The following ZNF157 variants were observed in gnomAD, a reference collection of about 807,000 sequenced individuals.
ZNF157 encodes zinc finger protein 22.
Under a neutral mutation model 9.4 loss-of-function variants are expected in ZNF157, and 8 were observed. The observed-to-expected ratio is 0.85, with a 90% confidence interval of 0.50 to 1.53. The LOEUF (loss-of-function observed/expected upper bound fraction) is 1.53. Among genes scored for constraint, ZNF157 ranks in the 40% most tolerant of loss-of-function variants. ZNF157 has a pLI of 0.00. For missense variants in ZNF157, 316 were observed against 385.2 expected, an observed-to-expected ratio of 0.82 and a Z score of 1.50; for synonymous variants, 120 against 130.8, an observed-to-expected ratio of 0.92 and a Z score of 0.56.
rs1027819051 is a variant in ZNF157 at position 47,414,483 on chromosome X, A to G, written c.*889A>G. ...ATTGTCTTTATATAATTTTACATAA[A>G]TGGGCTCACACTGTATTTAAAGTTC... On this transcript the variant is annotated 3_prime_UTR_variant, in exon 4 of 4. Coordinates refer to ENST00000377073, the MANE Select transcript of ZNF157 (RefSeq NM_003446.4). 2.7e-5 allele frequency among the ~76,000 whole-genome samples: 3 copies of G among 111,642 alleles called. No individual in the cohort carries two copies. The highest frequency in any genetic ancestry group is 5.6e-5 in the Non-Finnish European group (3 of 53,194).
chrX:47,376,990 G>A (rs1394838659), intron 1 of ZNF157, among the ~76,000 whole-genome samples: 4 of 111,241 alleles, frequency 3.6e-5, no homozygotes, highest in African/African-American at 9.8e-5. Flanking sequence ...TCATGCAGCC[G>A]GAGACTACAA....
intron 1 of ZNF157, among the ~76,000 whole-genome samples, chrX:47,402,546 T>TA (rs2055933502): frequency 5.6e-5 from 6 of 106,932 alleles, no homozygotes; most frequent in African/African-American, 2.0e-4. Context: ...TTTTAATTTT[T>TA]TTTTTTTTTT....
intron 1 of ZNF157, among the ~76,000 whole-genome samples, chrX:47,374,052 G>A (rs1248769452): frequency 9.0e-6 from 1 of 110,541 alleles, no homozygotes; most frequent in African/African-American, 3.3e-5. Context: ...GGAGGGGATT[G>A]TGGGAAGCTT....
At chrX:47,397,817 C>T (rs777101810) in intron 1 of ZNF157, among the ~76,000 whole-genome samples, 3 of 109,954 alleles carry the variant, frequency 2.7e-5, no homozygotes, top group African/African-American at 3.3e-5. Context: ...CTTAAGTGGC[C>T]GTGTGGCAGT....
chrX:47,374,941 C>T (rs1054004895), intron 1 of ZNF157, among the ~76,000 whole-genome samples: 3 of 102,736 alleles, frequency 2.9e-5, no homozygotes, highest in African/African-American at 1.1e-4. Context: ...AAGCTCCTGA[C>T]CTCAGCCTCC....
At chrX:47,406,384 C>CT (rs773066755) in intron 1 of ZNF157, among the ~76,000 whole-genome samples, 82 of 107,958 alleles carry the variant, frequency 7.6e-4, no homozygotes, top group African/African-American at 2.4e-3. Context: ...CTCTCTTTTT[C>CT]TTTTTTTGAG....
At chrX:47,397,882 C>T (rs2055918617) in intron 1 of ZNF157, among the ~76,000 whole-genome samples, 1 of 110,610 alleles carries the variant, frequency 9.0e-6, no homozygotes, top group African/African-American at 3.3e-5. Context: ...AAGCTTTCCT[C>T]CTTTTGGAAC....
chrX:47,372,059 A>G (rs2055830523), intron 1 of ZNF157, among the ~76,000 whole-genome samples: 1 of 111,585 alleles, frequency 9.0e-6, no homozygotes, highest in African/African-American at 3.3e-5. Flanking sequence ...TAGGGGTGTG[A>G]TACTGTGAAA....
intron 1 of ZNF157, among the ~76,000 whole-genome samples, chrX:47,399,057 C>T (rs2055922844): frequency 8.9e-6 from 1 of 112,222 alleles, no homozygotes; most frequent in African/African-American, 3.2e-5. Flanking sequence ...CCGCCTTGGC[C>T]TCCCAAAGTG....
chrX:47,405,233 C>CA (rs2055943527), intron 1 of ZNF157, among the ~76,000 whole-genome samples: 1 of 110,701 alleles, frequency 9.0e-6, no homozygotes, highest in South Asian at 3.8e-4. Context: ...ACTAAAAATA[C>CA]AAAAAATTAG....
intron 1 of ZNF157, among the ~76,000 whole-genome samples, chrX:47,383,960 A>G (rs997633096): frequency 1.8e-5 from 2 of 110,028 alleles, no homozygotes; most frequent in Non-Finnish European, 3.8e-5. Context: ...TTTGGGTGAA[A>G]ATTGGAATGT....
At position 47,413,312 on chromosome X, in the gene ZNF157, C is replaced by A; in HGVS notation, c.1239C>A (p.Pro413=). ...AGAGGATGCATTCAGGAGAGAAACC[C>A]TACGAATGTAGTGAATGTGGGAAAA... ...EHQRMHSGEK[P]YECSECGKIF... The change falls in exon 4 of 4, where the codon CCC becomes CCA. Residue 413 remains proline, a synonymous_variant. Coordinates refer to ENST00000377073, the MANE Select transcript of ZNF157 (RefSeq NM_003446.4). 8.3e-7 allele frequency: 1 copy of A among 1,211,328 alleles called. No individual in the cohort carries two copies. The highest frequency in any genetic ancestry group is 1.1e-6 in the Non-Finnish European group (1 of 895,264).
chrX:47,409,387 T>C (rs1356490378), intron 1 of ZNF157, among the ~76,000 whole-genome samples: 1 of 111,658 alleles, frequency 9.0e-6, no homozygotes, highest in African/African-American at 3.3e-5. Flanking sequence ...CAGGCTGGAG[T>C]GCAGTGACGC....
intron 1 of ZNF157, among the ~76,000 whole-genome samples, chrX:47,402,640 C>T (rs1278929153): frequency 1.9e-5 from 2 of 106,948 alleles, no homozygotes; most frequent in East Asian, 3.0e-4. Flanking sequence ...CCCGGGTTCA[C>T]GCCATTCTCT....
chrX:47,380,270 A>C (rs749224845), intron 1 of ZNF157, among the ~76,000 whole-genome samples: 1 of 110,825 alleles, frequency 9.0e-6, no homozygotes, highest in African/African-American at 3.3e-5. Context: ...GCAGTAGTGA[A>C]AGTTTATTAA....
At chrX:47,409,501 AT>A (rs56959264) in intron 1 of ZNF157, among the ~76,000 whole-genome samples, 21 of 97,065 alleles carry the variant, frequency 2.2e-4, no homozygotes, top group Admixed American at 4.6e-4. Context: ...TGCCCGGCTA[AT>A]TTTTTTTTTT....
At chrX:47,384,687 A>G (rs2055874432) in intron 1 of ZNF157, among the ~76,000 whole-genome samples, 1 of 112,801 alleles carries the variant, frequency 8.9e-6, no homozygotes, top group African/African-American at 3.2e-5. Context: ...ACCGGCGCTT[A>G]TGGCAAAAGC....
intron 1 of ZNF157, 126 bp from the exon 2 acceptor site, chrX:47,410,149 AG>A: frequency 2.1e-6 from 2 of 960,608 alleles, no homozygotes; most frequent in East Asian, 3.1e-5. Context: ...ATATCAAGCG[AG>A]ACACAAAATC....
At chrX:47,391,835 C>G (rs1019250832) in intron 1 of ZNF157, among the ~76,000 whole-genome samples, 8 of 110,509 alleles carry the variant, frequency 7.2e-5, no homozygotes, top group Non-Finnish European at 1.3e-4. Flanking sequence ...CAGGCATGAG[C>G]CACTGCGCCT....
Sources: gnomAD v4.1 joint callset for allele counts (sites outside exome capture counted in the v4.1 genomes callset) on GRCh38, gnomAD v4.1.1 for gene constraint, MANE v1.5 for transcripts, NCBI Gene and HGNC (gene_info 2026-07-23, HGNC 2026-07-21) for gene names.